The following DOCK2 variants were observed in gnomAD, a reference collection of about 807,000 sequenced individuals.
The protein encoded by DOCK2 is dedicator of cytokinesis 2, also known as dedicator of cytokinesis protein 2.
A neutral mutation model predicts 248.9 loss-of-function variants in DOCK2; 87 were observed. The ratio of observed to expected loss-of-function variants is 0.35; its 90% confidence interval spans 0.29 to 0.42. The LOEUF (loss-of-function observed/expected upper bound fraction) is 0.42, where lower values mean the gene tolerates loss of function less well. Among genes scored for constraint, DOCK2 ranks in the 10% least tolerant of loss-of-function variants. The pLI is 1.00. For synonymous variants in DOCK2, 805 were observed against 821.6 expected (o/e 0.98, Z 0.35); for missense variants, 1,747 against 2,300.2 (o/e 0.76, Z 4.92).
At chr5:169,807,834 A>C (rs1472128299) in intron 26 of DOCK2, among the ~76,000 whole-genome samples, 9 of 93,828 alleles carry the variant, frequency 9.6e-5, no homozygotes, top group African/African-American at 5.9e-4. Flanking sequence ...ACTCTGTCTC[A>C]AAAAAAAAAA....
intron 1 of DOCK2, among the ~76,000 whole-genome samples, chr5:169,647,201 GTCTGTTGTTCTTCTTC>G (rs1369779261): frequency 5.9e-5 from 9 of 152,236 alleles, no homozygotes; most frequent in African/African-American, 1.9e-4. Context: ...GCAGGGCCAT[GTCTGTTGTTCTTCTTC>G]AGCACAGAGC....
intron 44 of DOCK2, among the ~76,000 whole-genome samples, chr5:170,057,919 G>T (rs1001988691): frequency 6.6e-6 from 1 of 152,040 alleles, no homozygotes; most frequent in Non-Finnish European, 1.5e-5. Context: ...GCTGATGAAT[G>T]GGGAGCTTCT....
At chr5:169,792,208 A>G in intron 25 of DOCK2, among the ~76,000 whole-genome samples, 1 of 152,118 alleles carries the variant, frequency 6.6e-6, no homozygotes, top group East Asian at 1.9e-4. Context: ...AATCCATGTG[A>G]ATTCAGATGT....
At chr5:169,689,228 G>A (rs759777093) in intron 8 of DOCK2, 24 bp from the exon 9 acceptor site, 33 of 1,610,250 alleles carry the variant, frequency 2.0e-5, no homozygotes, top group Admixed American at 5.0e-5. Flanking sequence ...TGGCAGTAAC[G>A]GGCTGCCACT....
intron 14 of DOCK2, among the ~76,000 whole-genome samples, chr5:169,703,675 A>T (rs1561617476): frequency 6.6e-6 from 1 of 152,352 alleles, no homozygotes; most frequent in East Asian, 1.9e-4. Flanking sequence ...GTTAATTAGT[A>T]TCTATTTGAA....
chr5:169,810,173 C>CT (rs1767649753), intron 26 of DOCK2, among the ~76,000 whole-genome samples: 1 of 152,130 alleles, frequency 6.6e-6, no homozygotes, highest in Admixed American at 6.6e-5. Flanking sequence ...TCCCTGGGGT[C>CT]TTGTGCGCTG....
At chr5:169,912,450 T>G (rs763522494) in intron 27 of DOCK2, among the ~76,000 whole-genome samples, 1 of 152,194 alleles carries the variant, frequency 6.6e-6, no homozygotes, top group Non-Finnish European at 1.5e-5. Flanking sequence ...CACAAATTCA[T>G]CTTTTGGCAC....
chr5:169,835,761 T>A (rs1199444565), intron 26 of DOCK2, among the ~76,000 whole-genome samples: 1 of 149,704 alleles, frequency 6.7e-6, no homozygotes, highest in Admixed American at 6.6e-5. Flanking sequence ...GGGTTTGGAT[T>A]TTTTTTTTTC....
intron 22 of DOCK2, among the ~76,000 whole-genome samples, chr5:169,720,524 G>A (rs1762138604): frequency 1.3e-5 from 2 of 150,432 alleles, no homozygotes; most frequent in Non-Finnish European, 3.0e-5. Flanking sequence ...TCTTTACAAA[G>A]CCTCTTGCAG....
intron 27 of DOCK2, among the ~76,000 whole-genome samples, chr5:169,928,414 G>C (rs528617353): frequency 1.6e-4 from 24 of 152,352 alleles, no homozygotes; most frequent in Middle Eastern, 6.8e-3. Context: ...ATGCCCCGCT[G>C]TTTTCACGTA....
rs552540305 is a variant in DOCK2 at position 170,046,426 on chromosome 5, C to T, written c.3966+521C>T. ...GGGTTTGGCGGGGAGTTGGACTCTG[C>T]AGGGAAATGCAGAACTCTTTGGCTG... On this transcript the variant is annotated intron_variant, in intron 39 of 51. Transcript: ENST00000520908. 2.0e-5 allele frequency among the ~76,000 whole-genome samples: 3 copies of T among 152,254 alleles called. No individual in the cohort carries two copies. The South Asian group carries it at 6.2e-4, about 32-fold the overall frequency.
chr5:170,027,699 A>G (rs112646776), intron 33 of DOCK2, among the ~76,000 whole-genome samples, 164 bp from the exon 34 acceptor site: 162 of 152,268 alleles, frequency 1.1e-3, no homozygotes, highest in African/African-American at 3.7e-3. Flanking sequence ...GGCACTCCAA[A>G]AAGGCAGACA....
At chr5:169,866,520 C>T (rs1034151575) in intron 27 of DOCK2, among the ~76,000 whole-genome samples, 3 of 152,294 alleles carry the variant, frequency 2.0e-5, no homozygotes, top group South Asian at 2.1e-4. Context: ...GTCAGTCACT[C>T]GACAAACATT....
At chr5:170,032,211 A>G (rs1756164967) in intron 34 of DOCK2, among the ~76,000 whole-genome samples, 1 of 152,104 alleles carries the variant, frequency 6.6e-6, no homozygotes. Flanking sequence ...TATTTTTAGT[A>G]GAGATGGGGT....
intron 9 of DOCK2, among the ~76,000 whole-genome samples, chr5:169,693,596 G>A (rs372047226): frequency 9.2e-5 from 14 of 152,302 alleles, no homozygotes; most frequent in Admixed American, 5.9e-4. Context: ...CCATCTGGAC[G>A]TGAAATAATT....
intron 27 of DOCK2, among the ~76,000 whole-genome samples, chr5:169,916,098 G>T (rs746423537): frequency 4.6e-5 from 7 of 152,208 alleles, no homozygotes; most frequent in Non-Finnish European, 5.9e-5. Context: ...GGCAGTTAAT[G>T]AGAATTCAAA....
chr5:169,665,682 A>G (rs565609094), intron 2 of DOCK2, among the ~76,000 whole-genome samples: 99 of 152,314 alleles, frequency 6.5e-4, no homozygotes, highest in African/African-American at 2.3e-3. Flanking sequence ...TTGTCTAAAA[A>G]AATAGTGTTT....
At chr5:169,848,972 C>G (rs951941098) in intron 27 of DOCK2, among the ~76,000 whole-genome samples, 1 of 152,068 alleles carries the variant, frequency 6.6e-6, no homozygotes, top group African/African-American at 2.4e-5. Context: ...ATCTAAGCAA[C>G]TACTCTGAGC....
chr5:169,684,124 ATCTC>A, intron 7 of DOCK2, 68 bp from the exon 8 acceptor site: 1 of 1,570,808 alleles, frequency 6.4e-7, no homozygotes, highest in East Asian at 2.3e-5. Context: ...ATCCTTGACT[ATCTC>A]TCTGTTGCTC....
Sources: allele counts gnomAD v4.1 joint callset (sites outside exome capture counted in the v4.1 genomes callset), GRCh38; gene constraint gnomAD v4.1.1; transcripts MANE v1.5; gene names NCBI Gene and HGNC (gene_info 2026-07-23, HGNC 2026-07-21).